RBFOX1: variants seen among roughly 807,000 people sequenced by gnomAD.
RBFOX1 encodes RNA binding fox-1 homolog 1, also known as RNA binding protein fox-1 homolog 1.
RBFOX1 carries 8 observed loss-of-function variants against 57.7 expected under a neutral mutation model. The ratio of observed to expected loss-of-function variants is 0.14; its 90% CI spans 0.08 to 0.25. RBFOX1 has a LOEUF of 0.25. Among genes scored for constraint, RBFOX1 ranks in the 10% least tolerant of loss-of-function variants. The pLI, the probability that RBFOX1 is intolerant of heterozygous loss-of-function variation, is 1.00. For missense variants in RBFOX1, 611 were observed against 548.5 expected (o/e 1.11, Z -1.14); for synonymous variants, 326 against 222.4 (o/e 1.47, Z -4.15).
At chr16:6,470,717 C>T (rs2095154824) in intron 2 of RBFOX1, among the ~76,000 whole-genome samples, 1 of 152,186 alleles carries the variant, frequency 6.6e-6, no homozygotes, top group African/African-American at 2.4e-5. Context: ...ATCGATACCA[C>T]CATTTAGTCA....
intron 3 of RBFOX1, among the ~76,000 whole-genome samples, chr16:6,872,096 T>G (rs991286651): frequency 5.3e-5 from 8 of 152,156 alleles, no homozygotes; most frequent in African/African-American, 1.7e-4. Flanking sequence ...CACAGCATAA[T>G]TGTAATGGTA....
intron 3 of RBFOX1, among the ~76,000 whole-genome samples, chr16:6,840,887 C>CAAAAA (rs1165695098): frequency 0.014 from 624 of 45,760 alleles, 8 homozygotes; most frequent in African/African-American, 0.061. Context: ...GACTCTGTCT[C>CAAAAA]AAAAAAAAAA....
At chr16:5,442,246 C>T (rs2068106524) in intron 1 of RBFOX1, among the ~76,000 whole-genome samples, 1 of 152,142 alleles carries the variant, frequency 6.6e-6, no homozygotes, top group Non-Finnish European at 1.5e-5. Context: ...GCATTCCGTC[C>T]AGTGGGAGTA....
At chr16:6,048,145 A>G (rs1166433767) in intron 1 of RBFOX1, among the ~76,000 whole-genome samples, 1 of 152,196 alleles carries the variant, frequency 6.6e-6, no homozygotes, top group Admixed American at 6.5e-5. Flanking sequence ...TTTAATCTAT[A>G]TAACAGCTCC....
At chr16:7,647,459 T>A (rs980021729) in intron 11 of RBFOX1, among the ~76,000 whole-genome samples, 2 of 152,128 alleles carry the variant, frequency 1.3e-5, no homozygotes, top group African/African-American at 4.8e-5. Flanking sequence ...TAAGGATTTA[T>A]ACTATATCCA....
chr16:7,183,939 G>C (rs748221883), intron 4 of RBFOX1, among the ~76,000 whole-genome samples: 31 of 152,226 alleles, frequency 2.0e-4, no homozygotes, highest in Admixed American at 2.6e-4. Flanking sequence ...AATAAAGAGA[G>C]GCTAAAATTT....
chr16:6,516,830 GC>G (rs1290418011), intron 2 of RBFOX1, among the ~76,000 whole-genome samples: 2 of 152,120 alleles, frequency 1.3e-5, no homozygotes, highest in African/African-American at 4.8e-5. Flanking sequence ...CACAAAACCT[GC>G]CCAGGTGTGG....
At chr16:6,289,952 G>C (rs2077296080) in intron 1 of RBFOX1, among the ~76,000 whole-genome samples, 5 of 152,146 alleles carry the variant, frequency 3.3e-5, no homozygotes, top group Non-Finnish European at 7.4e-5. Context: ...AAATGGAAAT[G>C]TAACAGCTTC....
intron 4 of RBFOX1, among the ~76,000 whole-genome samples, chr16:7,517,425 A>T (rs111847877): frequency 6.6e-6 from 1 of 152,038 alleles, no homozygotes; most frequent in Non-Finnish European, 1.5e-5. Flanking sequence ...GTTAAATCCA[A>T]TATTTTTCAG....
chr16:5,343,952 C>T (rs779502323), intron 1 of RBFOX1, among the ~76,000 whole-genome samples: 2 of 152,114 alleles, frequency 1.3e-5, no homozygotes, highest in Non-Finnish European at 2.9e-5. Context: ...GTGGTAAGAA[C>T]GCTTGAGCAT....
chr16:6,713,232 C>T (rs186734756), intron 3 of RBFOX1, among the ~76,000 whole-genome samples: 130 of 150,990 alleles, frequency 8.6e-4, no homozygotes, highest in African/African-American at 3.1e-3. Context: ...TCTTTTCCTT[C>T]TCACATGCAA....
intron 4 of RBFOX1, among the ~76,000 whole-genome samples, chr16:6,010,119 T>C (rs1057099010): frequency 2.6e-5 from 4 of 152,134 alleles, no homozygotes; most frequent in Non-Finnish European, 5.9e-5. Context: ...GAGGGTGCTG[T>C]GTTGCCCCAC....
chr16:6,775,364 G>A (rs12935391), intron 3 of RBFOX1, among the ~76,000 whole-genome samples: 40,617 of 139,014 alleles, frequency 0.29, 7,218 homozygotes, highest in Non-Finnish European at 0.41. Context: ...TAGACAAAAA[G>A]CCTACAAACA....
intron 4 of RBFOX1, among the ~76,000 whole-genome samples, chr16:7,191,593 C>T (rs2085397219): frequency 6.6e-6 from 1 of 152,194 alleles, no homozygotes; most frequent in African/African-American, 2.4e-5. Flanking sequence ...CAGCCTTAAA[C>T]ACATTTAAAT....
rs965870952 is a variant in RBFOX1 at position 7,237,359 on chromosome 16, T to C, written c.27+185261T>C. On this transcript the variant is annotated intron_variant, in intron 4 of 15. Coordinates refer to ENST00000550418, the MANE Select transcript of RBFOX1 (RefSeq NM_018723.4). ...GAATGGATTTTGGCCATGCCCTTAA[T>C]TGAGTGTTCTGTACATACAATAATA... Among the ~76,000 whole-genome samples the C allele has an allele frequency of 4.3e-4, 66 of 152,224 alleles. 1 individual carries two copies. Among genetic ancestry groups the C allele is most frequent in the African/African-American group, 1.4e-3 (60 of 41,446 alleles).
At chr16:7,067,618 T>C (rs986759810) in intron 4 of RBFOX1, among the ~76,000 whole-genome samples, 7 of 151,872 alleles carry the variant, frequency 4.6e-5, no homozygotes, top group Non-Finnish European at 1.0e-4. Flanking sequence ...ATGTGCCATG[T>C]TGGTGTGGTG....
At chr16:6,137,801 T>G (rs12924349) in intron 1 of RBFOX1, among the ~76,000 whole-genome samples, 12,668 of 151,666 alleles carry the variant, frequency 0.084, 568 homozygotes, top group Middle Eastern at 0.11. Flanking sequence ...TAGAGACAGG[T>G]TCCCACTATG....
At chr16:6,812,205 G>A (rs977878733) in intron 3 of RBFOX1, among the ~76,000 whole-genome samples, 2 of 152,136 alleles carry the variant, frequency 1.3e-5, no homozygotes, top group East Asian at 1.9e-4. Flanking sequence ...CTGTTAGAAT[G>A]AATATCTGTG....
At chr16:6,351,244 A>C (rs1227182077) in intron 2 of RBFOX1, among the ~76,000 whole-genome samples, 1 of 150,582 alleles carries the variant, frequency 6.6e-6, no homozygotes, top group African/African-American at 2.4e-5. Flanking sequence ...ATATATATGC[A>C]TATGCGTTTG....
Sources: gnomAD v4.1 joint callset for allele counts (sites outside exome capture counted in the v4.1 genomes callset) on GRCh38, gnomAD v4.1.1 for gene constraint, MANE v1.5 for transcripts, NCBI Gene and HGNC (gene_info 2026-07-23, HGNC 2026-07-21) for gene names.